The following LGSN variants were observed in gnomAD, a reference collection of about 807,000 sequenced individuals.
LGSN encodes the protein lengsin.
Under a neutral mutation model 19.5 loss-of-function variants are expected in LGSN, and 21 were observed. The ratio of observed to expected loss-of-function variants is 1.07; its 90% confidence interval spans 0.76 to 1.55. The LOEUF is 1.55. Among genes scored for constraint, LGSN ranks in the 40% most tolerant of loss-of-function variants. LGSN has a pLI of 0.00. For missense variants in LGSN, 673 were observed against 608.5 expected, an observed-to-expected ratio of 1.11 and a Z score of -1.12; for synonymous variants, 257 against 215.6, an observed-to-expected ratio of 1.19 and a Z score of -1.68.
At chr6:63,304,360 C>T (rs1033429450) in intron 1 of LGSN, among the ~76,000 whole-genome samples, 1 of 152,200 alleles carries the variant, frequency 6.6e-6, no homozygotes, top group African/African-American at 2.4e-5. Context: ...GTAGTCTGTA[C>T]AGCAGATTTT....
At chr6:63,430,830 T>C in the LGSN span, among the ~76,000 whole-genome samples, 2 of 152,198 alleles carry the variant, frequency 1.3e-5, no homozygotes, top group Non-Finnish European at 2.9e-5. Context: ...TATGATCCAC[T>C]GCCCGAGGTC....
At chr6:63,479,915 T>A in the LGSN span, among the ~76,000 whole-genome samples, 1 of 152,208 alleles carries the variant, frequency 6.6e-6, no homozygotes, top group African/African-American at 2.4e-5. Context: ...ATTTGCCAGG[T>A]ACCTCTCTAG....
At chr6:63,480,970 T>G in the LGSN span, among the ~76,000 whole-genome samples, 1,477 of 34,758 alleles carry the variant, frequency 0.042, 90 homozygotes, top group African/African-American at 0.09. Flanking sequence ...TATATATATA[T>G]ATATATATAT....
chr6:63,533,764 G>A, the LGSN span, among the ~76,000 whole-genome samples: 3 of 151,948 alleles, frequency 2.0e-5, no homozygotes, highest in African/African-American at 7.3e-5. Context: ...GAAATGTATG[G>A]GGAAGTATAC....
intron 1 of LGSN, among the ~76,000 whole-genome samples, chr6:63,302,435 C>G (rs1008214428): frequency 6.6e-6 from 1 of 152,144 alleles, no homozygotes; most frequent in African/African-American, 2.4e-5. Context: ...TGAAAGAATG[C>G]TCATAAACAC....
chr6:63,525,284 G>A, the LGSN span, among the ~76,000 whole-genome samples: 1 of 152,202 alleles, frequency 6.6e-6, no homozygotes, highest in Non-Finnish European at 1.5e-5. Context: ...TTGGCCTTGT[G>A]ATGCTGAAGC....
the LGSN span, among the ~76,000 whole-genome samples, chr6:63,409,405 A>G: frequency 6.6e-6 from 1 of 152,214 alleles, no homozygotes; most frequent in East Asian, 1.9e-4. Context: ...CAAGTATTTT[A>G]AGAAATTTTT....
chr6:63,311,918 C>T (rs1768643619), intron 1 of LGSN, among the ~76,000 whole-genome samples: 1 of 152,126 alleles, frequency 6.6e-6, no homozygotes, highest in Non-Finnish European at 1.5e-5. Flanking sequence ...CCTCTGTTAA[C>T]CACATTCTAC....
the LGSN span, among the ~76,000 whole-genome samples, chr6:63,439,382 T>A: frequency 6.6e-6 from 1 of 151,750 alleles, no homozygotes; most frequent in Non-Finnish European, 1.5e-5. Context: ...ATAATAATAA[T>A]TAAAAAAACA....
chr6:63,448,609 A>T, the LGSN span, among the ~76,000 whole-genome samples: 1 of 152,010 alleles, frequency 6.6e-6, no homozygotes, highest in East Asian at 1.9e-4. Context: ...TAAAAAAAAA[A>T]AGTTAACAAA....
the LGSN span, among the ~76,000 whole-genome samples, chr6:63,415,804 T>C: frequency 6.6e-6 from 1 of 152,226 alleles, no homozygotes; most frequent in African/African-American, 2.4e-5. Flanking sequence ...TTGATGCATT[T>C]TACTTTGCAC....
At chr6:63,526,835 A>G in the LGSN span, among the ~76,000 whole-genome samples, 3 of 129,030 alleles carry the variant, frequency 2.3e-5, no homozygotes, top group Non-Finnish European at 4.9e-5. Flanking sequence ...ATATATATAT[A>G]TTTATTTATT....
the LGSN span, among the ~76,000 whole-genome samples, chr6:63,375,581 G>A: frequency 1.9e-4 from 29 of 152,152 alleles, no homozygotes; most frequent in East Asian, 3.3e-3. Flanking sequence ...GTATATATTC[G>A]TCTGTACTCA....
the LGSN span, among the ~76,000 whole-genome samples, chr6:63,364,614 C>A: frequency 6.6e-6 from 1 of 152,312 alleles, no homozygotes; most frequent in East Asian, 1.9e-4. Flanking sequence ...ACTCTCCACG[C>A]CAAATCAACA....
At chr6:63,366,723 T>C in the LGSN span, among the ~76,000 whole-genome samples, 1 of 152,182 alleles carries the variant, frequency 6.6e-6, no homozygotes, top group African/African-American at 2.4e-5. Flanking sequence ...AACAGCATGG[T>C]ACTGGTAGCA....
At chr6:63,497,347 G>A in the LGSN span, among the ~76,000 whole-genome samples, 23 of 151,972 alleles carry the variant, frequency 1.5e-4, no homozygotes, top group Admixed American at 6.6e-5. Context: ...CCAGGAGTTC[G>A]AGACCAGCCT....
chr6:63,357,203 G>A, the LGSN span, among the ~76,000 whole-genome samples: 2 of 152,202 alleles, frequency 1.3e-5, no homozygotes, highest in East Asian at 3.9e-4. Context: ...TGGTGTATAT[G>A]TGCCACATTT....
chr6:63,480,726 G>A, the LGSN span: 1 of 150,516 alleles, frequency 6.6e-6, no homozygotes, highest in African/African-American at 2.4e-5. Context: ...ATGGAAAACA[G>A]TATAGAGATT....
At chr6:63,432,160 A>AGAAAGAAAGGAAGG in the LGSN span, among the ~76,000 whole-genome samples, 2 of 99,996 alleles carry the variant, frequency 2.0e-5, no homozygotes, top group Non-Finnish European at 3.9e-5. Flanking sequence ...AAAGAAAGAA[A>AGAAAGAAAGGAAGG]GAAAGAAAGA....
Sources: gnomAD v4.1 joint callset for allele counts (sites outside exome capture counted in the v4.1 genomes callset) on GRCh38, gnomAD v4.1.1 for gene constraint, MANE v1.5 for transcripts, NCBI Gene and HGNC (gene_info 2026-07-23, HGNC 2026-07-21) for gene names.